The following FGFR2 variants were observed in gnomAD, a reference collection of about 807,000 sequenced individuals.
FGFR2 encodes BEK fibroblast growth factor receptor.
Under a neutral mutation model 95.9 loss-of-function variants are expected in FGFR2, and 19 were observed. That is an observed-to-expected ratio of 0.20 (90% confidence interval 0.14 to 0.29). The LOEUF (loss-of-function observed/expected upper bound fraction) is 0.29, where lower values mean the gene tolerates loss of function less well. Among genes scored for constraint, FGFR2 ranks in the 10% least tolerant of loss-of-function variants. The pLI is 1.00. For synonymous variants in FGFR2, 392 were observed against 393.3 expected, an observed-to-expected ratio of 1.00 and a Z score of 0.04; for missense variants, 707 against 1,056.9, an observed-to-expected ratio of 0.67 and a Z score of 4.59.
intron 9 of FGFR2, among the ~76,000 whole-genome samples, chr10:121,504,677 C>CT (rs1848051016): frequency 6.6e-6 from 1 of 152,132 alleles, no homozygotes; most frequent in Non-Finnish European, 1.5e-5. Flanking sequence ...GAAAATACAC[C>CT]TTTTCCCATA....
chr10:121,496,803 T>C, intron 12 of FGFR2, 81 bp from the exon 13 acceptor site: 1 of 1,278,990 alleles, frequency 7.8e-7, no homozygotes, highest in Non-Finnish European at 1.1e-6. Flanking sequence ...TTTTTAGTTA[T>C]TACAACCCAT....
intron 2 of FGFR2, among the ~76,000 whole-genome samples, chr10:121,576,369 C>T (rs937051215): frequency 1.3e-5 from 2 of 152,118 alleles, no homozygotes; most frequent in Non-Finnish European, 2.9e-5. Flanking sequence ...CTGGCCAGCC[C>T]AGCCCGAGCC....
intron 6 of FGFR2, among the ~76,000 whole-genome samples, chr10:121,521,320 C>T (rs995022292): frequency 6.6e-6 from 1 of 152,200 alleles, no homozygotes; most frequent in African/African-American, 2.4e-5. Flanking sequence ...TTCGAGAACA[C>T]GTTCTCAACA....
chr10:121,566,456 G>C (rs755846161), intron 2 of FGFR2, among the ~76,000 whole-genome samples: 2 of 152,102 alleles, frequency 1.3e-5, no homozygotes, highest in African/African-American at 2.4e-5. Context: ...TGGGTGCTGT[G>C]TGCCCCCGAC....
chr10:121,495,230 T>C (rs1846630523), intron 13 of FGFR2, among the ~76,000 whole-genome samples: 1 of 152,150 alleles, frequency 6.6e-6, no homozygotes, highest in Admixed American at 6.5e-5. Flanking sequence ...CCAAAACCTA[T>C]ATATTGGGAG....
chr10:121,558,166 G>A (rs891150817), intron 4 of FGFR2, among the ~76,000 whole-genome samples: 1 of 152,042 alleles, frequency 6.6e-6, no homozygotes, highest in African/African-American at 2.4e-5. Flanking sequence ...TCGAACAAAT[G>A]GGTATATGCA....
At chr10:121,571,294 C>CTTTTTT (rs35943673) in intron 2 of FGFR2, among the ~76,000 whole-genome samples, 8 of 39,298 alleles carry the variant, frequency 2.0e-4, no homozygotes, top group East Asian at 9.4e-4. Flanking sequence ...CGTGCCTGGC[C>CTTTTTT]TTTTTTTTTT....
rs200369248 is a variant in FGFR2, at chr10:121,565,551, A to G, written c.263T>C (p.Ile88Thr). 6.5e-5 allele frequency: 105 copies of G among 1,614,172 alleles called. No homozygotes were observed. In the African/African-American group the frequency reaches 6.5e-4, roughly 10 times the overall value. The change falls in exon 3 of 18, where the codon ATT becomes ACT. Residue 88 changes from isoleucine to threonine, a missense_variant. Around this residue, in one of 7 missense-constraint regions of FGFR2, gnomAD observed 178 missense variants for 194.1 expected, o/e 0.92. Transcript: ENST00000358487. ...GCCCTTTATCTGCAAGTACTCCCCA[A>G]TAAGCACTGTCCTATTGTTGGGCCC... Reference protein sequence around the residue: ...HLGPNNRTVLIGEYLQIKGAT... With the variant: ...HLGPNNRTVLTGEYLQIKGAT...
chr10:121,537,197 C>T (rs1290276100), intron 6 of FGFR2, among the ~76,000 whole-genome samples: 2 of 152,126 alleles, frequency 1.3e-5, no homozygotes, highest in Non-Finnish European at 2.9e-5. Flanking sequence ...ATAGGATCAA[C>T]ATTATTCAAG....
chr10:121,574,982 G>A (rs534938977), intron 2 of FGFR2, among the ~76,000 whole-genome samples: 1 of 152,306 alleles, frequency 6.6e-6, no homozygotes, highest in African/African-American at 2.4e-5. Flanking sequence ...CTCCCTGGTC[G>A]CTAACAAGGA....
intron 2 of FGFR2, among the ~76,000 whole-genome samples, chr10:121,568,262 A>C (rs1275476587): frequency 2.0e-5 from 3 of 152,230 alleles, no homozygotes; most frequent in Non-Finnish European, 2.9e-5. Flanking sequence ...CCCCTTTGAC[A>C]GCTGGCTAAG....
At chr10:121,490,831 C>T (rs1449049936) in intron 13 of FGFR2, among the ~76,000 whole-genome samples, 2 of 152,176 alleles carry the variant, frequency 1.3e-5, no homozygotes, top group Non-Finnish European at 2.9e-5. Flanking sequence ...TCCTTGTGTT[C>T]ACACACTTCT....
intron 2 of FGFR2, among the ~76,000 whole-genome samples, chr10:121,571,136 C>T (rs1018765109): frequency 3.4e-5 from 5 of 148,878 alleles, no homozygotes; most frequent in African/African-American, 1.2e-4. Flanking sequence ...CTACAGGAGC[C>T]TGCCACCACA....
intron 5 of FGFR2, among the ~76,000 whole-genome samples, chr10:121,550,182 C>A (rs1248440021): frequency 6.6e-6 from 1 of 152,314 alleles, no homozygotes; most frequent in Non-Finnish European, 1.5e-5. Context: ...TTCTTCCAAA[C>A]GCCAATCCAA....
rs190899365 is a variant in FGFR2, at chr10:121,501,430, G to A, written c.1440-483C>T. Among the ~76,000 whole-genome samples the A allele has an allele frequency of 2.0e-5, 3 of 152,142 alleles. No individual in the cohort carries two copies. The East Asian group carries it at 5.8e-4, about 29-fold the overall frequency. On this transcript the variant is annotated intron_variant, in intron 10 of 17. Transcript: ENST00000358487. ...GATATGCCTCTTAAAAGCATTTCAA[G>A]GAATCTCTAATTTTTTACTAAAAAG...
Position 121,598,039 on chromosome 10 carries a change from CG to C in FGFR2, c.-229del. On this transcript the variant is annotated 5_prime_UTR_variant, in exon 1 of 18. Transcript: ENST00000358487. ...GTCGGGATGGAGAAAGCGACGAGCC[CG>C]GGGTTGCGGGGAGCAACTCCAAACG... 1 of 397,686 alleles carries C rather than the reference CG, an allele frequency of 2.5e-6. No individual in the cohort carries two copies. Among genetic ancestry groups the C allele is most frequent in the Non-Finnish European group, 4.4e-6 (1 of 225,468 alleles). 24.6% of individuals were successfully genotyped at this position (397,686 alleles called of 1,614,324 possible). A position where few individuals can be genotyped will look rare whatever the true frequency, so the allele number is the denominator to read the frequency against.
At chr10:121,523,614 A>G (rs1035520198) in intron 6 of FGFR2, among the ~76,000 whole-genome samples, 3 of 152,204 alleles carry the variant, frequency 2.0e-5, no homozygotes, top group Non-Finnish European at 2.9e-5. Context: ...TGCACCTAGC[A>G]AATAGTAAGA....
chr10:121,517,174 T>G lies in FGFR2; in HGVS notation c.1084+145A>C, dbSNP rs754962831. 7.0e-5 allele frequency: 63 copies of G among 900,314 alleles called. No individual in the cohort carries two copies. Among genetic ancestry groups the G allele is most frequent in the Non-Finnish European group, 9.9e-5 (56 of 566,548 alleles). 55.8% of individuals were successfully genotyped at this position (900,314 alleles called of 1,614,324 possible). A position where few individuals can be genotyped will look rare whatever the true frequency, so the allele number is the denominator to read the frequency against. On this transcript the variant is annotated intron_variant, in intron 8 of 17. Coordinates refer to ENST00000358487, the MANE Select transcript of FGFR2 (RefSeq NM_000141.5). This position sits in a 1 kb window ranked among gnomAD's most constrained non-coding sequence, Gnocchi z 4.7. Reference sequence around the variant, plus strand: ...TGTGTGAATTTCCAAGGCAGTTTTCTTATCCCTGAGGGATCATTTTTAACA... The same window carrying G: ...TGTGTGAATTTCCAAGGCAGTTTTCGTATCCCTGAGGGATCATTTTTAACA...
chr10:121,503,910 G>A lies in FGFR2; in HGVS notation c.1319C>T (p.Ser440Phe), dbSNP rs1847932502. The A allele has an allele frequency of 6.2e-7, 1 of 1,614,100 alleles. No homozygotes were observed. The highest frequency in any genetic ancestry group is 2.2e-5 in the East Asian group (1 of 44,856). ...TGTTATCCTCACCAGCGGGGTGTTG[G>A]AGTTCATGGAGGAGCTGGACTCAGC... ...VSAESSSSMNSNTPLVRITTR... is the reference protein window; with the variant it reads ...VSAESSSSMNFNTPLVRITTR... Residue 440 changes from serine (S) to phenylalanine (F), a missense_variant, in exon 10 of 18, where the codon TCC (serine) becomes TTC (phenylalanine). Physicochemically the swap from Ser to Phe is radical, Grantham distance 155 (BLOSUM62 -2). Around this residue, in one of 7 missense-constraint regions of FGFR2, gnomAD observed 194 missense variants for 267.3 expected, o/e 0.73. Transcript: ENST00000358487.
Sources: gnomAD v4.1 joint callset for allele counts (sites outside exome capture counted in the v4.1 genomes callset) on GRCh38, gnomAD v4.1.1 for gene constraint, gnomAD v4.1.1 regional missense constraint, Gnocchi (gnomAD v3.1) non-coding constraint, MANE v1.5 for transcripts, NCBI Gene and HGNC (gene_info 2026-07-23, HGNC 2026-07-21) for gene names.